GNG4: variants seen among roughly 807,000 people sequenced by gnomAD.
The protein encoded by GNG4 is G protein subunit gamma 4, also known as guanine nucleotide-binding protein G(I)/G(S)/G(O) subunit gamma-4.
GNG4 carries 4 observed loss-of-function variants against 5.8 expected under a neutral mutation model. The ratio of observed to expected loss-of-function variants is 0.69; its 90% confidence interval spans 0.34 to 1.57. The LOEUF is 1.57. Among genes scored for constraint, GNG4 ranks in the 40% most tolerant of loss-of-function variants. GNG4 has a pLI of 0.06. For synonymous variants in GNG4, 29 were observed against 32.9 expected (o/e 0.88, Z 0.41); for missense variants, 96 against 95.1 (o/e 1.01, Z -0.04).
intron 1 of GNG4, among the ~76,000 whole-genome samples, chr1:235,607,209 A>G (rs1688382177): frequency 6.6e-6 from 1 of 152,088 alleles, no homozygotes; most frequent in Admixed American, 6.5e-5. Flanking sequence ...GGCCTCCCAC[A>G]GTGCTGGGAT....
At position 235,552,422 on chromosome 1, in the gene GNG4, G is replaced by A. The variant is rs1000466943; in HGVS notation, c.100-185C>T. Among the ~76,000 whole-genome samples the A allele has an allele frequency of 4.6e-5, 7 of 152,192 alleles. 1 individual carries two copies. The highest frequency in any genetic ancestry group is 1.2e-4 in the African/African-American group (5 of 41,538). On this transcript the variant is annotated intron_variant, in intron 3 of 3. Transcript: ENST00000391854. Reference sequence around the variant, plus strand: ...CAGATCTAGGAGACTGGTTCGAAGCGGGCCTCCAAGAAGGGGAGGCTGCCC... The same window carrying A: ...CAGATCTAGGAGACTGGTTCGAAGCAGGCCTCCAAGAAGGGGAGGCTGCCC...
intron 3 of GNG4, among the ~76,000 whole-genome samples, chr1:235,575,185 T>C (rs1687447548): frequency 6.6e-6 from 1 of 152,110 alleles, no homozygotes; most frequent in African/African-American, 2.4e-5. Flanking sequence ...ATACAGAGGG[T>C]CCCTGACGTA....
rs1558491481 is a variant in GNG4, at chr1:235,597,621, TG to T, written c.-122-2111del. 3.1e-3 allele frequency among the ~76,000 whole-genome samples: 342 copies of T among 110,804 alleles called. 7 individuals carry two copies. Among genetic ancestry groups the T allele is most frequent in the East Asian group, 0.02 (93 of 4,654 alleles). 72.7% of individuals were successfully genotyped at this position (110,804 alleles called of 152,430 possible). Reference sequence around the variant, plus strand: ...GTGTGTGTGTGTGTGTGTGTGTGTGTGTGTGTGTATTTTTTTTTTTTTCAGA... The same window carrying T: ...GTGTGTGTGTGTGTGTGTGTGTGTGTTGTGTGTATTTTTTTTTTTTTCAGA... On this transcript the variant is annotated intron_variant, in intron 1 of 3. Transcript: ENST00000391854.
chr1:235,630,954 C>A (rs926949697), intron 1 of GNG4, among the ~76,000 whole-genome samples: 8 of 151,770 alleles, frequency 5.3e-5, no homozygotes, highest in Non-Finnish European at 8.8e-5. Context: ...GCTGGAGTGC[C>A]GTGGCACGAT....
At chr1:235,606,440 C>T (rs1275590246) in intron 1 of GNG4, among the ~76,000 whole-genome samples, 9 of 151,968 alleles carry the variant, frequency 5.9e-5, no homozygotes, top group Admixed American at 5.9e-4. Flanking sequence ...GATACTGGCT[C>T]TGGTAGGGAG....
At chr1:235,628,216 C>T (rs562698467) in intron 1 of GNG4, among the ~76,000 whole-genome samples, 1 of 152,206 alleles carries the variant, frequency 6.6e-6, no homozygotes, top group Admixed American at 6.6e-5. Context: ...ACAACAACAA[C>T]AAAAAACCAG....
chr1:235,628,349 G>A (rs1399424170), intron 1 of GNG4, among the ~76,000 whole-genome samples: 1 of 151,978 alleles, frequency 6.6e-6, no homozygotes, highest in Non-Finnish European at 1.5e-5. Context: ...AGCATTGCCT[G>A]CAGGACCGGA....
At chr1:235,583,565 T>C (rs1410626499) in intron 3 of GNG4, among the ~76,000 whole-genome samples, 175 bp downstream of exon 3, 1 of 152,232 alleles carries the variant, frequency 6.6e-6, no homozygotes, top group Non-Finnish European at 1.5e-5. Flanking sequence ...CTTTGAATCC[T>C]TGGGCACACT....
At chr1:235,562,149 C>T (rs1468471679) in intron 3 of GNG4, among the ~76,000 whole-genome samples, 1 of 152,208 alleles carries the variant, frequency 6.6e-6, no homozygotes, top group African/African-American at 2.4e-5. Flanking sequence ...GCTCTCTATT[C>T]TGTTCCACTG....
chr1:235,640,104 G>A lies in GNG4; in HGVS notation c.-123+9558C>T, dbSNP rs115182109. 1.8e-4 allele frequency among the ~76,000 whole-genome samples: 28 copies of A among 152,208 alleles called. 1 individual carries two copies. Among genetic ancestry groups the A allele is most frequent in the African/African-American group, 6.7e-4 (28 of 41,530 alleles). On this transcript the variant is annotated intron_variant, in intron 1 of 3. Coordinates refer to ENST00000391854, the MANE Select transcript of GNG4 (RefSeq NM_001098722.2). ...AGCTGGTTTCCCCACAGAGAAGGCT[G>A]TCTCTCACCCCAGGCAGAAGAGGAC...
chr1:235,639,954 G>A (rs149240072), intron 1 of GNG4, among the ~76,000 whole-genome samples: 36 of 152,322 alleles, frequency 2.4e-4, no homozygotes, highest in Middle Eastern at 3.4e-3. Context: ...ATGGGTGAAG[G>A]TAGGTCTGTG....
intron 3 of GNG4, among the ~76,000 whole-genome samples, chr1:235,580,580 T>C (rs144800614): frequency 6.6e-6 from 1 of 152,250 alleles, no homozygotes; most frequent in Non-Finnish European, 1.5e-5. Flanking sequence ...CAACATTCTG[T>C]TTCCACCAAC....
At chr1:235,621,107 C>T (rs929765262) in intron 1 of GNG4, among the ~76,000 whole-genome samples, 12 of 151,122 alleles carry the variant, frequency 7.9e-5, no homozygotes, top group African/African-American at 2.9e-4. Context: ...GGCTATTCCT[C>T]ATTGGTCCGT....
intron 1 of GNG4, among the ~76,000 whole-genome samples, chr1:235,643,669 A>G (rs2102990504): frequency 6.6e-6 from 1 of 152,336 alleles, no homozygotes; most frequent in East Asian, 1.9e-4. Flanking sequence ...AAGTCCTTCC[A>G]TAGCACCCAG....
chr1:235,646,419 G>GT (rs1657513102), intron 1 of GNG4, among the ~76,000 whole-genome samples: 1 of 152,210 alleles, frequency 6.6e-6, no homozygotes, highest in Non-Finnish European at 1.5e-5. Context: ...AGTCACTGCT[G>GT]TTTTTTGCAA....
Position 235,649,182 on chromosome 1 carries a change from G to A in GNG4, c.-123+480C>T, listed in dbSNP as rs1331501191. On this transcript the variant is annotated intron_variant, in intron 1 of 3. Transcript: ENST00000391854. This position sits in a 1 kb window ranked among gnomAD's most constrained non-coding sequence, Gnocchi z 5.7. The stretch of plus-strand genomic sequence containing the variant: ...CCGAGGCGGCGTCTGGGCTGCTGGG[G>A]AGCCAGGAGGGCTTCCTCAGGCACT... Among the ~76,000 whole-genome samples, 1 of 152,202 alleles carries A rather than the reference G, an allele frequency of 6.6e-6. No homozygotes were observed. The highest frequency in any genetic ancestry group is 1.5e-5 in the Non-Finnish European group (1 of 68,036).
rs568854914 is a variant in GNG4 at position 235,608,695 on chromosome 1, T to A, written c.-122-13184A>T. On this transcript the variant is annotated intron_variant, in intron 1 of 3. Coordinates refer to ENST00000391854, the MANE Select transcript of GNG4 (RefSeq NM_001098722.2). ...TTAGTTTTTTATTTTTTATTTTTTT[T>A]TTTTTTGAGACGGAGTCTCACTCTG... 2.5e-3 allele frequency among the ~76,000 whole-genome samples: 374 copies of A among 151,934 alleles called. 1 individual carries two copies. The highest frequency in any genetic ancestry group is 7.1e-3 in the African/African-American group (296 of 41,498).
At chr1:235,560,442 G>GC (rs1463592730) in intron 3 of GNG4, among the ~76,000 whole-genome samples, 3 of 152,120 alleles carry the variant, frequency 2.0e-5, no homozygotes, top group East Asian at 3.9e-4. Flanking sequence ...ACTGCAAGTA[G>GC]CCCCTCACCA....
At chr1:235,586,799 G>A (rs1180370607) in intron 2 of GNG4, among the ~76,000 whole-genome samples, 1 of 152,214 alleles carries the variant, frequency 6.6e-6, no homozygotes, top group Non-Finnish European at 1.5e-5. Context: ...GATGCTGGCT[G>A]CCATGCTTCC....
Sources: gnomAD v4.1 joint callset for allele counts (sites outside exome capture counted in the v4.1 genomes callset) on GRCh38, gnomAD v4.1.1 for gene constraint, Gnocchi (gnomAD v3.1) non-coding constraint, MANE v1.5 for transcripts, NCBI Gene and HGNC (gene_info 2026-07-23, HGNC 2026-07-21) for gene names.